CGGBP1: variants seen among roughly 807,000 people sequenced by gnomAD.
CGGBP1 encodes the protein CGG triplet repeat binding protein 1.
In CGGBP1, 4 loss-of-function variants were observed where a neutral mutation model predicts 11.4. That is an observed-to-expected ratio of 0.35 (90% CI 0.17 to 0.80). The LOEUF (loss-of-function observed/expected upper bound fraction) is 0.80. Among genes scored for constraint, CGGBP1 ranks in the 30% least tolerant of loss-of-function variants. The probability of loss-of-function intolerance (pLI) is 0.52; values close to 1 mark genes in which losing one functional copy is unlikely to be tolerated. For synonymous variants in CGGBP1, 76 were observed against 74.1 expected, an observed-to-expected ratio of 1.03 and a Z score of -0.13; for missense variants, 135 against 202.1, an observed-to-expected ratio of 0.67 and a Z score of 2.01.
At chr3:88,080,695 C>G (rs539815371) in intron 2 of CGGBP1, among the ~76,000 whole-genome samples, 1 of 152,068 alleles carries the variant, frequency 6.6e-6, no homozygotes, top group Non-Finnish European at 1.5e-5. Context: ...AAGGGCAAAT[C>G]TTGAGGTGCA....
At chr3:88,059,585 T>A, upstream of CGGBP1, 1 of 1,437,628 alleles carries the variant, frequency 7.0e-7, no homozygotes, top group South Asian at 1.5e-5. Flanking sequence ...CGTCCATGAA[T>A]CTGGTCTATG....
intron 2 of CGGBP1, among the ~76,000 whole-genome samples, chr3:88,117,016 C>T (rs1416742718): frequency 8.5e-5 from 13 of 152,172 alleles, no homozygotes; most frequent in Admixed American, 2.0e-4. Flanking sequence ...GGATCTGTTA[C>T]GTTTTTGCTG....
At chr3:88,116,029 G>C (rs1705368006) in intron 2 of CGGBP1, among the ~76,000 whole-genome samples, 1 of 152,062 alleles carries the variant, frequency 6.6e-6, no homozygotes, top group South Asian at 2.1e-4. Context: ...TAGAGAGAAA[G>C]AGAGAACTTC....
chr3:88,064,110 T>TC (rs1416225696), intron 2 of CGGBP1, among the ~76,000 whole-genome samples: 1 of 7,162 alleles, frequency 1.4e-4, no homozygotes, highest in African/African-American at 2.1e-4. Context: ...GAGCTTCTTC[T>TC]TTTTTTTTTT....
intron 2 of CGGBP1, among the ~76,000 whole-genome samples, chr3:88,071,460 C>G (rs1056361479): frequency 1.1e-4 from 16 of 152,216 alleles, no homozygotes; most frequent in African/African-American, 3.6e-4. Flanking sequence ...CTGGCTAACA[C>G]GGTGAAACCC....
intron 2 of CGGBP1, among the ~76,000 whole-genome samples, chr3:88,080,279 A>G (rs1293995506): frequency 6.6e-6 from 1 of 152,148 alleles, no homozygotes; most frequent in African/African-American, 2.4e-5. Context: ...ACTTGGAAAC[A>G]TAATGAACCA....
chr3:88,141,207 A>C (rs1707109026), intron 1 of CGGBP1: 1 of 787,908 alleles, frequency 1.3e-6, no homozygotes, highest in Non-Finnish European at 1.9e-6. Context: ...TACAACCACT[A>C]TGAGGTGATA....
chr3:88,111,216 CTTGT>C (rs2107759390), intron 2 of CGGBP1, among the ~76,000 whole-genome samples: 1 of 151,980 alleles, frequency 6.6e-6, no homozygotes, highest in East Asian at 1.9e-4. Context: ...TTTTGTTGGG[CTTGT>C]TTTATACTTA....
intron 2 of CGGBP1, among the ~76,000 whole-genome samples, chr3:88,105,939 G>A (rs7620830): frequency 0.15 from 22,463 of 152,174 alleles, 1,727 homozygotes; most frequent in African/African-American, 0.17. Context: ...ATAAAAGGGT[G>A]AATTTGGCCT....
At chr3:88,086,693 C>A (rs775423146) in intron 2 of CGGBP1, among the ~76,000 whole-genome samples, 6 of 152,126 alleles carry the variant, frequency 3.9e-5, no homozygotes, top group Admixed American at 6.5e-5. Context: ...AATGGTAAGT[C>A]CCAGAATACA....
upstream of CGGBP1, among the ~76,000 whole-genome samples, chr3:88,061,537 G>A (rs896233950): frequency 6.6e-6 from 1 of 152,128 alleles, no homozygotes; most frequent in Non-Finnish European, 1.5e-5. Flanking sequence ...CTAGGTTACT[G>A]AGAGATCTGC....
chr3:88,132,604 CT>C (rs1188914810), intron 2 of CGGBP1, among the ~76,000 whole-genome samples: 1 of 152,166 alleles, frequency 6.6e-6, no homozygotes, highest in Non-Finnish European at 1.5e-5. Context: ...AAGATTTCTG[CT>C]TTGCCTGCTT....
At chr3:88,118,633 A>T (rs1414795649) in intron 2 of CGGBP1, among the ~76,000 whole-genome samples, 1 of 152,196 alleles carries the variant, frequency 6.6e-6, no homozygotes, top group African/African-American at 2.4e-5. Flanking sequence ...TAATTTGGGA[A>T]GGTCCTAATC....
chr3:88,059,766 G>C (rs1254954488), upstream of CGGBP1, among the ~76,000 whole-genome samples: 2 of 152,102 alleles, frequency 1.3e-5, no homozygotes, highest in Non-Finnish European at 1.5e-5. Flanking sequence ...AAGGTCGGCT[G>C]TCCGGAAAGC....
At chr3:88,147,341 C>A (rs575351921) in intron 1 of CGGBP1, among the ~76,000 whole-genome samples, 30 of 152,242 alleles carry the variant, frequency 2.0e-4, no homozygotes, top group African/African-American at 7.2e-4. Context: ...GAGCAGGAAC[C>A]TGACTAAAGT....
chr3:88,067,575 T>C (rs1707271662), intron 2 of CGGBP1, among the ~76,000 whole-genome samples: 2 of 152,188 alleles, frequency 1.3e-5, no homozygotes, highest in African/African-American at 4.8e-5. Flanking sequence ...TTGAGAAGGA[T>C]TAAAGAGGTT....
chr3:88,086,446 G>C, intron 2 of CGGBP1: 2 of 1,397,232 alleles, frequency 1.4e-6, no homozygotes, highest in South Asian at 1.6e-5. Flanking sequence ...TTTTCTTGAT[G>C]TGTTTGAGAA....
chr3:88,087,226 C>T (rs1360436776), intron 2 of CGGBP1, among the ~76,000 whole-genome samples: 1 of 152,054 alleles, frequency 6.6e-6, no homozygotes, highest in Non-Finnish European at 1.5e-5. Flanking sequence ...CACAGGTGTG[C>T]ACCACCATGC....
intron 2 of CGGBP1, among the ~76,000 whole-genome samples, chr3:88,066,011 G>A (rs1463232044): frequency 6.6e-6 from 1 of 152,154 alleles, no homozygotes; most frequent in African/African-American, 2.4e-5. Flanking sequence ...TAGGATTACA[G>A]GCATGAGCTA....
Sources: allele counts gnomAD v4.1 joint callset (sites outside exome capture counted in the v4.1 genomes callset), GRCh38; gene constraint gnomAD v4.1.1; transcripts MANE v1.5; gene names NCBI Gene and HGNC (gene_info 2026-07-23, HGNC 2026-07-21).